PPFIBP2: variants seen among roughly 807,000 people sequenced by gnomAD.
PPFIBP2 encodes PPFIB scaffold protein 2, also known as liprin-beta-2.
A neutral mutation model predicts 118.3 loss-of-function variants in PPFIBP2; 118 were observed. The ratio of observed to expected loss-of-function variants is 1.00; its 90% CI spans 0.86 to 1.16. The LOEUF is 1.16. Ranked by LOEUF, PPFIBP2 falls within the 50% of genes most tolerant of loss-of-function variation. The pLI, the probability that PPFIBP2 is intolerant of heterozygous loss-of-function variation, is 0.00. For synonymous variants in PPFIBP2, 414 were observed against 397.4 expected, an observed-to-expected ratio of 1.04 and a Z score of -0.50; for missense variants, 1,195 against 1,073.1, an observed-to-expected ratio of 1.11 and a Z score of -1.59.
rs777166184 is a variant in PPFIBP2, at chr11:7,565,727, C to T, written c.239C>T (p.Pro80Leu). 1.2e-6 allele frequency: 2 copies of T among 1,614,118 alleles called. No individual in the cohort carries two copies. Residue 80 changes from proline (P) to leucine (L), a missense_variant, in exon 3 of 24, where the codon CCA becomes CTA. Physicochemically the swap from Pro to Leu is moderately conservative, Grantham distance 98 (BLOSUM62 -3). Coordinates refer to ENST00000299492, the MANE Select transcript of PPFIBP2 (RefSeq NM_003621.5). Reference protein sequence around the residue: ...RAALLSQIPGPTAAYIKEWFE... With the variant: ...RAALLSQIPGLTAAYIKEWFE... ...GCCCTCCTGAGCCAGATCCCTGGCC[C>T]AACAGCTGCCTACATAAAGGAATGG...
Position 7,579,891 on chromosome 11 carries a change from TAA to T in PPFIBP2, c.280-13240_280-13239del, listed in dbSNP as rs145198566. On this transcript the variant is annotated intron_variant, in intron 3 of 23. Coordinates refer to ENST00000299492, the MANE Select transcript of PPFIBP2 (RefSeq NM_003621.5). ...TGTAGACATGTCATTGGCAGTGTGA[TAA>T]GAGTATTTTCACTATTCTCTACCCT... 5.7e-3 allele frequency among the ~76,000 whole-genome samples: 860 copies of T among 152,082 alleles called. 6 individuals are homozygous for T. The highest frequency in any genetic ancestry group is 8.0e-3 in the Non-Finnish European group (546 of 67,964).
At chr11:7,590,305 T>C (rs72849654) in intron 3 of PPFIBP2, among the ~76,000 whole-genome samples, 20,626 of 152,262 alleles carry the variant, frequency 0.14, 1,544 homozygotes, top group Admixed American at 0.18. Flanking sequence ...AAGCAAAGGA[T>C]AGTGATACTG....
intron 3 of PPFIBP2, among the ~76,000 whole-genome samples, chr11:7,581,383 C>T (rs1182683595): frequency 1.3e-5 from 2 of 152,264 alleles, no homozygotes; most frequent in South Asian, 4.1e-4. Flanking sequence ...TGGCTTCCAG[C>T]ACTCTCAGTG....
the PPFIBP2 span, among the ~76,000 whole-genome samples, chr11:7,663,728 C>G: frequency 0.16 from 23,882 of 152,202 alleles, 2,179 homozygotes; most frequent in East Asian, 0.44. Context: ...TGGGTAATGG[C>G]GGGCGCCCCT....
intron 2 of PPFIBP2, among the ~76,000 whole-genome samples, chr11:7,560,892 T>G (rs374903106): frequency 6.0e-4 from 92 of 152,334 alleles, no homozygotes; most frequent in South Asian, 4.1e-3. Context: ...GCAAAAACAT[T>G]TTCTTTCCAT....
chr11:7,610,306 A>G lies in PPFIBP2; in HGVS notation c.502A>G (p.Thr168Ala), dbSNP rs767407928. The G allele has an allele frequency of 6.2e-7, 1 of 1,613,972 alleles. No homozygotes were observed. The highest frequency in any genetic ancestry group is 8.5e-7 in the Non-Finnish European group (1 of 1,179,928). ...EMLQQELLSR[T>A]SLETQKLDLM... ...TTGCTTGCAGGAGCTGCTAAGCCGC[A>G]CATCTCTTGAGACCCAGAAGCTCGA... is the stretch of plus-strand genomic sequence containing the variant. Residue 168 changes from threonine to alanine, a missense_variant, in exon 6 of 24, where the codon ACA becomes GCA. Physicochemically the swap from Thr to Ala is moderately conservative, Grantham distance 58. Transcript: ENST00000299492.
intron 5 of PPFIBP2, among the ~76,000 whole-genome samples, chr11:7,598,732 G>A (rs775671148): frequency 2.0e-4 from 31 of 152,150 alleles, no homozygotes; most frequent in Non-Finnish European, 3.5e-4. Context: ...CTCCAAAAGC[G>A]CTAGCATTTT....
rs956528862 is a variant in PPFIBP2, at chr11:7,651,643, G to A, written c.2248-13G>A. On this transcript the variant is annotated splice_polypyrimidine_tract_variant and intron_variant, in intron 22 of 23. Coordinates refer to ENST00000299492, the MANE Select transcript of PPFIBP2 (RefSeq NM_003621.5). Reference sequence around the variant, plus strand: ...TTTGCTCCTGGCCAGGCTTGTCTCTGGTTCCTTCTTAGATCCTGGAGCCAC... The same window carrying A: ...TTTGCTCCTGGCCAGGCTTGTCTCTAGTTCCTTCTTAGATCCTGGAGCCAC... The A allele has an allele frequency of 6.3e-7, 1 of 1,590,716 alleles. No individual in the cohort carries two copies.
At chr11:7,665,367 G>A in the PPFIBP2 span, 3 of 1,508,348 alleles carry the variant, frequency 2.0e-6, no homozygotes, top group East Asian at 4.8e-5. Flanking sequence ...CTGAGCACGT[G>A]GAGGTGTTAG....
the PPFIBP2 span, chr11:7,666,537 A>G: frequency 1.2e-6 from 2 of 1,613,046 alleles, no homozygotes; most frequent in Non-Finnish European, 1.7e-6. Context: ...TCTGACCAAG[A>G]TATCCTCCTC....
intron 1 of PPFIBP2, among the ~76,000 whole-genome samples, chr11:7,523,747 C>T (rs1004400353): frequency 6.6e-6 from 1 of 152,158 alleles, no homozygotes; most frequent in South Asian, 2.1e-4. Context: ...GGCTTATGGT[C>T]GCTGTGGTGT....
intron 1 of PPFIBP2, among the ~76,000 whole-genome samples, chr11:7,516,998 G>T (rs956555797): frequency 1.4e-4 from 21 of 151,748 alleles, no homozygotes; most frequent in African/African-American, 5.1e-4. Context: ...TGGGCTCCTT[G>T]GAAAAAGAAA....
chr11:7,592,600 T>C (rs1039073430), intron 3 of PPFIBP2, among the ~76,000 whole-genome samples: 1 of 152,158 alleles, frequency 6.6e-6, no homozygotes, highest in Non-Finnish European at 1.5e-5. Flanking sequence ...GCCTTGTAGT[T>C]GACATCCTCC....
Position 7,586,490 on chromosome 11 carries a change from C to T in PPFIBP2, c.280-6642C>T, listed in dbSNP as rs138358714. ...TTATATCACACAGGAATTTTTAGAGCACCCTACTATAAAGAGCACTCTGTA... is the reference window on the plus strand; with the variant it reads ...TTATATCACACAGGAATTTTTAGAGTACCCTACTATAAAGAGCACTCTGTA... On this transcript the variant is annotated intron_variant, in intron 3 of 23. Transcript: ENST00000299492. 1.2e-4 allele frequency among the ~76,000 whole-genome samples: 18 copies of T among 152,288 alleles called. No homozygotes were observed. In the East Asian group the frequency reaches 2.7e-3, roughly 23 times the overall value.
rs575973155 is a variant in PPFIBP2 at position 7,617,528 on chromosome 11, C to A, written c.619-3407C>A. On this transcript the variant is annotated intron_variant, in intron 6 of 23. Transcript: ENST00000299492. ...CAACCCTCAAACAGGTGGCACTCAT[C>A]TCCTTTAGGGCTGGGAATGAGGTGC... Among the ~76,000 whole-genome samples the A allele has an allele frequency of 1.4e-3, 213 of 152,228 alleles. 1 individual carries two copies. Among genetic ancestry groups the A allele is most frequent in the African/African-American group, 4.9e-3 (204 of 41,552 alleles).
At chr11:7,560,558 A>T (rs949112310) in intron 2 of PPFIBP2, among the ~76,000 whole-genome samples, 8 of 152,020 alleles carry the variant, frequency 5.3e-5, no homozygotes, top group Non-Finnish European at 1.2e-4. Flanking sequence ...ATTTGGGGGG[A>T]TTTTTCCCCT....
At chr11:7,573,098 C>T (rs189690607) in intron 3 of PPFIBP2, among the ~76,000 whole-genome samples, 86 of 152,280 alleles carry the variant, frequency 5.6e-4, no homozygotes, top group African/African-American at 1.6e-3. Context: ...CTTTTGAAAG[C>T]GGTTTCCTAA....
chr11:7,570,611 G>A (rs972836862), intron 3 of PPFIBP2, among the ~76,000 whole-genome samples: 15 of 152,202 alleles, frequency 9.9e-5, no homozygotes, highest in African/African-American at 3.4e-4. Context: ...ATGTACTCTA[G>A]GCCCTGTTTG....
intron 1 of PPFIBP2, among the ~76,000 whole-genome samples, chr11:7,539,759 G>A (rs78097007): frequency 0.017 from 2,594 of 152,204 alleles, 61 homozygotes; most frequent in African/African-American, 0.042. Context: ...ATGGAATTTG[G>A]CCTCAAAACA....
Sources: gnomAD v4.1 joint callset for allele counts (sites outside exome capture counted in the v4.1 genomes callset) on GRCh38, gnomAD v4.1.1 for gene constraint, MANE v1.5 for transcripts, NCBI Gene and HGNC (gene_info 2026-07-23, HGNC 2026-07-21) for gene names.